ABCA13: variants seen among roughly 807,000 people sequenced by gnomAD.
ABCA13 encodes ATP-binding cassette sub-family A member 13.
Under a neutral mutation model 478.7 loss-of-function variants are expected in ABCA13, and 476 were observed. The observed-to-expected ratio is 0.99, with a 90% confidence interval of 0.92 to 1.07. The LOEUF (loss-of-function observed/expected upper bound fraction) is 1.07, where lower values mean the gene tolerates loss of function less well. Among genes scored for constraint, ABCA13 ranks in the 50% least tolerant of loss-of-function variants. ABCA13 has a pLI of 0.00. For missense variants in ABCA13, 6,060 were observed against 5,910.6 expected (o/e 1.03, Z -0.83); for synonymous variants, 2,252 against 2,158.9 (o/e 1.04, Z -1.20).
intron 55 of ABCA13, among the ~76,000 whole-genome samples, chr7:48,548,449 T>G (rs1368882990): frequency 1.3e-5 from 2 of 151,996 alleles, no homozygotes; most frequent in South Asian, 2.1e-4. Flanking sequence ...AGAATCTATT[T>G]TTCTTTCTAA....
rs889694719 is a variant in ABCA13, at chr7:48,556,196, C to T, written c.14355-24028C>T. Among the ~76,000 whole-genome samples, 3 of 151,736 alleles carry T rather than the reference C, an allele frequency of 2.0e-5. No homozygotes were observed. In the East Asian group the frequency reaches 5.8e-4, roughly 29 times the overall value. On this transcript the variant is annotated intron_variant, in intron 55 of 61. Coordinates refer to ENST00000435803, the MANE Select transcript of ABCA13 (RefSeq NM_152701.5). Reference sequence around the variant, plus strand: ...TGTTATTATTTCAAAGTTTTTGAATCTTTTAAGATTTGTTTTGTGATCTCA... The same window carrying T: ...TGTTATTATTTCAAAGTTTTTGAATTTTTTAAGATTTGTTTTGTGATCTCA...
intron 59 of ABCA13, among the ~76,000 whole-genome samples, chr7:48,627,326 G>C (rs1460943079): frequency 2.0e-5 from 3 of 152,078 alleles, no homozygotes; most frequent in Admixed American, 6.6e-5. Context: ...AAAGAACAAA[G>C]CTTTGCTTCA....
intron 19 of ABCA13, 149 bp downstream of exon 19, chr7:48,281,601 C>A: frequency 1.5e-6 from 1 of 681,630 alleles, no homozygotes; most frequent in Non-Finnish European, 2.4e-6. Flanking sequence ...GAGGGATCTG[C>A]CCCTCCCAAC....
chr7:48,610,275 G>A (rs1016666696), intron 58 of ABCA13, among the ~76,000 whole-genome samples: 1 of 152,206 alleles, frequency 6.6e-6, no homozygotes, highest in South Asian at 2.1e-4. Flanking sequence ...CAGCAGAGTA[G>A]TCATTAAATT....
intron 57 of ABCA13, 74 bp from the exon 58 acceptor site, chr7:48,594,636 G>T (rs778169688): frequency 1.6e-5 from 22 of 1,386,182 alleles, no homozygotes; most frequent in Admixed American, 1.3e-4. Flanking sequence ...CTGGGGTCTG[G>T]CCTCCCATGT....
At chr7:48,524,873 G>A (rs1832782454) in intron 54 of ABCA13, among the ~76,000 whole-genome samples, 1 of 152,108 alleles carries the variant, frequency 6.6e-6, no homozygotes, top group Non-Finnish European at 1.5e-5. Context: ...AATAGCTCAG[G>A]AATTTTTGTT....
At chr7:48,543,843 G>A (rs1784574439) in intron 55 of ABCA13, among the ~76,000 whole-genome samples, 1 of 149,328 alleles carries the variant, frequency 6.7e-6, no homozygotes, top group Non-Finnish European at 1.5e-5. Flanking sequence ...ACTGTTATAT[G>A]CTTATCTTTG....
chr7:48,340,723 C>T (rs376716481), intron 29 of ABCA13, among the ~76,000 whole-genome samples: 156 of 152,284 alleles, frequency 1.0e-3, no homozygotes, highest in African/African-American at 3.4e-3. Flanking sequence ...ACCTGAGCCA[C>T]GTTTGTTCAA....
intron 54 of ABCA13, 82 bp from the exon 55 acceptor site, chr7:48,528,154 A>G (rs1833001678): frequency 8.3e-7 from 1 of 1,211,350 alleles, no homozygotes; most frequent in Non-Finnish European, 1.2e-6. Context: ...TGTTTCTGAT[A>G]TAATTTTGAT....
At chr7:48,587,096 C>T in intron 56 of ABCA13, 58 bp from the exon 57 acceptor site, 1 of 1,603,526 alleles carries the variant, frequency 6.2e-7, no homozygotes, top group Non-Finnish European at 8.5e-7. Context: ...CTGAGACCAG[C>T]TGTCTGGTGG....
At chr7:48,623,264 A>G (rs1793329082) in intron 59 of ABCA13, among the ~76,000 whole-genome samples, 1 of 152,230 alleles carries the variant, frequency 6.6e-6, no homozygotes, top group East Asian at 1.9e-4. Context: ...TAATTTCCTG[A>G]GAGACACCTC....
At chr7:48,431,356 A>G (rs1425950717) in intron 42 of ABCA13, among the ~76,000 whole-genome samples, 1 of 151,508 alleles carries the variant, frequency 6.6e-6, no homozygotes, top group Non-Finnish European at 1.5e-5. Flanking sequence ...AACAACAACA[A>G]CAACAACAAC....
chr7:48,420,615 C>T lies in ABCA13; in HGVS notation c.12460-7151C>T, dbSNP rs73694626. On this transcript the variant is annotated intron_variant, in intron 41 of 61. Coordinates refer to ENST00000435803, the MANE Select transcript of ABCA13 (RefSeq NM_152701.5). ...TGCTAAATACTGATTAGTGGGTTCC[C>T]TTTGTACCTTTGCCAAGGAGGTTCT... Among the ~76,000 whole-genome samples the T allele has an allele frequency of 6.7e-3, 1,016 of 152,098 alleles. 8 individuals are homozygous for T. Among genetic ancestry groups the T allele is most frequent in the African/African-American group, 0.022 (930 of 41,488 alleles).
At chr7:48,443,276 T>G (rs1012158194) in intron 42 of ABCA13, among the ~76,000 whole-genome samples, 1 of 152,176 alleles carries the variant, frequency 6.6e-6, no homozygotes, top group Non-Finnish European at 1.5e-5. Flanking sequence ...GGAAGTCACT[T>G]CCTTGCTGAG....
At chr7:48,186,110 C>T (rs1796321240) in intron 1 of ABCA13, among the ~76,000 whole-genome samples, 1 of 151,898 alleles carries the variant, frequency 6.6e-6, no homozygotes. Context: ...TAATTACAGC[C>T]ATTCTAAATA....
intron 42 of ABCA13, among the ~76,000 whole-genome samples, chr7:48,447,308 TAGG>T (rs1824423797): frequency 6.6e-6 from 1 of 152,126 alleles, no homozygotes; most frequent in Non-Finnish European, 1.5e-5. Flanking sequence ...CACGGGAGCC[TAGG>T]AGAGTTGGGT....
At chr7:48,615,614 G>A (rs1792493196) in intron 59 of ABCA13, among the ~76,000 whole-genome samples, 1 of 152,078 alleles carries the variant, frequency 6.6e-6, no homozygotes, top group Admixed American at 6.5e-5. Flanking sequence ...TCTCTTGCCA[G>A]GTAGACATTG....
intron 31 of ABCA13, among the ~76,000 whole-genome samples, chr7:48,364,659 A>G (rs75655308): frequency 6.6e-6 from 1 of 152,106 alleles, no homozygotes; most frequent in Non-Finnish European, 1.5e-5. Context: ...GTTAGAACAT[A>G]TATTTGTCTT....
chr7:48,638,149 G>C (rs17132521), intron 59 of ABCA13, among the ~76,000 whole-genome samples: 2 of 152,164 alleles, frequency 1.3e-5, no homozygotes, highest in African/African-American at 4.8e-5. Flanking sequence ...GAAGGCACTC[G>C]TTACATCATG....
Sources: gnomAD v4.1 joint callset for allele counts (sites outside exome capture counted in the v4.1 genomes callset) on GRCh38, gnomAD v4.1.1 for gene constraint, MANE v1.5 for transcripts, NCBI Gene and HGNC (gene_info 2026-07-23, HGNC 2026-07-21) for gene names.